GREB1L: variants seen among roughly 807,000 people sequenced by gnomAD.
The protein encoded by GREB1L is GREB1-like protein.
In GREB1L, 17 loss-of-function variants were observed where a neutral mutation model predicts 200.8. That is an observed-to-expected ratio of 0.08 (90% CI 0.06 to 0.13). The LOEUF (loss-of-function observed/expected upper bound fraction) is 0.13, where lower values mean the gene tolerates loss of function less well. Ranked by LOEUF, GREB1L falls within the 10% of genes least tolerant of loss-of-function variation. The pLI, the probability that GREB1L is intolerant of heterozygous loss-of-function variation, is 1.00. For missense variants in GREB1L, 1,657 were observed against 2,367.7 expected (o/e 0.70, Z 6.23); for synonymous variants, 789 against 893.0 (o/e 0.88, Z 2.08).
intron 7 of GREB1L, among the ~76,000 whole-genome samples, chr18:21,438,009 A>G (rs910194841): frequency 3.3e-5 from 5 of 152,174 alleles, no homozygotes; most frequent in Non-Finnish European, 5.9e-5. Flanking sequence ...GATGTTTATT[A>G]TAGGCTCATG....
At chr18:21,387,536 A>C (rs1172624370) in intron 4 of GREB1L, 1 of 152,218 alleles carries the variant, frequency 6.6e-6, no homozygotes, top group Non-Finnish European at 1.5e-5. Flanking sequence ...TAGAGTATGA[A>C]CAGGCTTAGA....
chr18:21,399,029 C>T (rs1226828425), intron 5 of GREB1L, among the ~76,000 whole-genome samples: 2 of 152,156 alleles, frequency 1.3e-5, no homozygotes, highest in East Asian at 3.9e-4. Context: ...TGTGAAGATT[C>T]TCTCCTTTGC....
chr18:21,260,689 A>ATTAAGT (rs371509526), intron 1 of GREB1L, among the ~76,000 whole-genome samples: 30,111 of 151,896 alleles, frequency 0.2, 7,108 homozygotes, highest in African/African-American at 0.57. Context: ...AAATAGTTGT[A>ATTAAGT]TGACTGATTA....
intron 1 of GREB1L, among the ~76,000 whole-genome samples, chr18:21,308,683 T>C (rs2038742022): frequency 6.6e-6 from 1 of 152,244 alleles, no homozygotes; most frequent in African/African-American, 2.4e-5. Context: ...ACCAGTTTTG[T>C]AAACCTCTCT....
At chr18:21,394,690 G>T (rs2040967567) in intron 4 of GREB1L, among the ~76,000 whole-genome samples, 1 of 152,050 alleles carries the variant, frequency 6.6e-6, no homozygotes, top group Non-Finnish European at 1.5e-5. Flanking sequence ...AAAATAAAGA[G>T]TATCTCTATT....
At chr18:21,397,261 G>A (rs1398303287) in intron 5 of GREB1L, among the ~76,000 whole-genome samples, 6 of 151,848 alleles carry the variant, frequency 4.0e-5, no homozygotes, top group Non-Finnish European at 8.8e-5. Flanking sequence ...TTGGGAGGTC[G>A]AGGTGGGCGG....
intron 18 of GREB1L, among the ~76,000 whole-genome samples, chr18:21,488,900 A>G (rs1277587648): frequency 6.6e-6 from 1 of 152,044 alleles, no homozygotes; most frequent in African/African-American, 2.4e-5. Context: ...CAAGTGATCC[A>G]CCCACCTCGT....
chr18:21,437,932 G>A (rs754864680), intron 7 of GREB1L, among the ~76,000 whole-genome samples: 5 of 152,246 alleles, frequency 3.3e-5, no homozygotes, highest in South Asian at 4.2e-4. Flanking sequence ...GGCTATATGC[G>A]GTGGCTCATG....
At chr18:21,465,525 T>C (rs1568033840) in intron 15 of GREB1L, among the ~76,000 whole-genome samples, 1 of 151,988 alleles carries the variant, frequency 6.6e-6, no homozygotes, top group African/African-American at 2.4e-5. Context: ...AACACAACAA[T>C]AAAAAGTAAC....
At chr18:21,376,593 C>T (rs2040081483) in intron 2 of GREB1L, among the ~76,000 whole-genome samples, 1 of 151,246 alleles carries the variant, frequency 6.6e-6, no homozygotes, top group African/African-American at 2.4e-5. Context: ...TCACGAGGTC[C>T]GGAGATGGAG....
Position 21,383,635 on chromosome 18 carries a change from G to A in GREB1L, c.117G>A (p.Gln39=). The A allele has an allele frequency of 6.4e-7, 1 of 1,551,418 alleles. No individual in the cohort carries two copies. Among genetic ancestry groups the A allele is most frequent in the Non-Finnish European group, 8.7e-7 (1 of 1,146,830 alleles). ...SSVVPRPIFS[Q]LYLDPDQHPF... is the part of the protein sequence containing the mutation. ...TGGTACCACGGCCAATTTTTTCCCA[G>A]CTATACCTGGACCCTGACCAGCATC... Residue 39 remains glutamine (Q), a synonymous_variant, in exon 3 of 33, where the codon CAG becomes CAA. Coordinates refer to ENST00000424526, the MANE Select transcript of GREB1L (RefSeq NM_001142966.3).
chr18:21,302,569 T>G (rs762264464), intron 1 of GREB1L, among the ~76,000 whole-genome samples: 9 of 152,244 alleles, frequency 5.9e-5, no homozygotes, highest in African/African-American at 9.6e-5. Context: ...ACTTCCTTAC[T>G]GTACTGCCTC....
At chr18:21,249,141 C>T (rs1411671157) in intron 1 of GREB1L, among the ~76,000 whole-genome samples, 2 of 146,994 alleles carry the variant, frequency 1.4e-5, no homozygotes, top group Admixed American at 6.8e-5. Flanking sequence ...ATTGTAGAAT[C>T]TTTTTTTTTT....
At chr18:21,521,842 A>G (rs2146134761) in intron 32 of GREB1L, among the ~76,000 whole-genome samples, 1 of 151,838 alleles carries the variant, frequency 6.6e-6, no homozygotes, top group African/African-American at 2.4e-5. Flanking sequence ...CGTCTCTACT[A>G]AAATACAAAA....
intron 1 of GREB1L, among the ~76,000 whole-genome samples, chr18:21,357,036 G>A (rs1159144334): frequency 2.0e-5 from 3 of 152,058 alleles, no homozygotes; most frequent in Admixed American, 6.6e-5. Context: ...TTCTCCTACT[G>A]TTAAATCACT....
At chr18:21,429,111 C>T (rs1419932626) in intron 7 of GREB1L, among the ~76,000 whole-genome samples, 3 of 64,816 alleles carry the variant, frequency 4.6e-5, no homozygotes, top group Non-Finnish European at 6.9e-5. Flanking sequence ...ACTATTCTCC[C>T]TTCCTTCCTT....
chr18:21,250,807 G>A (rs1299419055), intron 1 of GREB1L, among the ~76,000 whole-genome samples: 2 of 151,980 alleles, frequency 1.3e-5, no homozygotes, highest in East Asian at 1.9e-4. Context: ...TCTATTTTTT[G>A]GAAAGGGCAC....
chr18:21,481,445 G>A (rs1439210706), intron 17 of GREB1L, among the ~76,000 whole-genome samples: 4 of 70,278 alleles, frequency 5.7e-5, no homozygotes, highest in African/African-American at 4.1e-4. Context: ...ATGTATGTGT[G>A]TGTGTGTGTG....
chr18:21,427,339 A>G (rs761581561), intron 7 of GREB1L, among the ~76,000 whole-genome samples: 5 of 151,762 alleles, frequency 3.3e-5, no homozygotes, highest in Non-Finnish European at 5.9e-5. Context: ...CCTCATCTCT[A>G]CAAGAAATAC....
Sources: allele counts gnomAD v4.1 joint callset (sites outside exome capture counted in the v4.1 genomes callset), GRCh38; gene constraint gnomAD v4.1.1; transcripts MANE v1.5; gene names NCBI Gene and HGNC (gene_info 2026-07-23, HGNC 2026-07-21).